Variants in FGD5 observed in about 807,000 individuals in gnomAD.
FGD5 encodes the protein FYVE, RhoGEF and PH domain-containing protein 5.
In FGD5, 28 loss-of-function variants were observed where a neutral mutation model predicts 133.4. The observed-to-expected ratio is 0.21, with a 90% CI of 0.16 to 0.29. The LOEUF is 0.29. Ranked by LOEUF, FGD5 falls within the 10% of genes least tolerant of loss-of-function variation. The pLI is 1.00. For synonymous variants in FGD5, 810 were observed against 776.5 expected (o/e 1.04, Z -0.72); for missense variants, 1,858 against 1,895.2 (o/e 0.98, Z 0.36).
At chr3:14,909,980 G>A (rs1047675104) in intron 10 of FGD5, among the ~76,000 whole-genome samples, 1 of 151,704 alleles carries the variant, frequency 6.6e-6, no homozygotes, top group Non-Finnish European at 1.5e-5. Flanking sequence ...TGGCCAGGCT[G>A]GTTTTGAACT....
chr3:14,859,998 C>G (rs1261451404), intron 1 of FGD5, among the ~76,000 whole-genome samples: 1 of 152,148 alleles, frequency 6.6e-6, no homozygotes, highest in Non-Finnish European at 1.5e-5. Flanking sequence ...GACACTGACC[C>G]AAACAATACA....
At chr3:14,827,286 T>C (rs7625742) in intron 1 of FGD5, among the ~76,000 whole-genome samples, 82,593 of 120,114 alleles carry the variant, frequency 0.69, 27,164 homozygotes, top group African/African-American at 0.74. Flanking sequence ...GTATTCTTTT[T>C]TTTTTTTTTT....
intron 1 of FGD5, among the ~76,000 whole-genome samples, chr3:14,851,968 A>G (rs192670939): frequency 1.3e-5 from 2 of 152,028 alleles, no homozygotes; most frequent in Admixed American, 1.3e-4. Flanking sequence ...ACAAGACTGT[A>G]GAGAAATTAG....
chr3:14,916,469 G>C (rs2038555480), intron 11 of FGD5, among the ~76,000 whole-genome samples: 1 of 152,172 alleles, frequency 6.6e-6, no homozygotes, highest in Non-Finnish European at 1.5e-5. Flanking sequence ...ACTCTGTGAA[G>C]GGACCTGGAA....
chr3:14,902,281 T>TAAA (rs34728691), intron 9 of FGD5, among the ~76,000 whole-genome samples: 6 of 124,472 alleles, frequency 4.8e-5, no homozygotes, highest in Non-Finnish European at 5.0e-5. Flanking sequence ...GATTCCATCT[T>TAAA]AAAAAAAAAA....
In FGD5 at chr3:14,872,637, C is replaced by G. The variant is rs186452977; in HGVS notation, c.2659-7935C>G. ...AAGCAAGCGTGCATGTTGCATGTGT[C>G]CCATGTTCACCTTGGGGTGGAGACT... On this transcript the variant is annotated intron_variant, in intron 2 of 19. Coordinates refer to ENST00000285046, the MANE Select transcript of FGD5 (RefSeq NM_152536.4). Among the ~76,000 whole-genome samples the G allele has an allele frequency of 4.5e-4, 69 of 152,304 alleles. No homozygotes were observed. The East Asian group carries it at 0.011, about 24-fold the overall frequency.
chr3:14,871,172 C>G (rs1040969233), intron 2 of FGD5, among the ~76,000 whole-genome samples: 2 of 152,206 alleles, frequency 1.3e-5, no homozygotes, highest in Admixed American at 6.5e-5. Context: ...TTTCCTTATG[C>G]TGTAGTCTTG....
intron 4 of FGD5, among the ~76,000 whole-genome samples, chr3:14,881,376 A>G (rs1042861833): frequency 2.0e-5 from 3 of 152,196 alleles, no homozygotes; most frequent in African/African-American, 7.2e-5. Flanking sequence ...TTCAGCAGAC[A>G]TTGTTTTGAG....
intron 18 of FGD5, among the ~76,000 whole-genome samples, chr3:14,929,217 T>C (rs1157511543): frequency 6.6e-6 from 1 of 152,258 alleles, no homozygotes; most frequent in African/African-American, 2.4e-5. Context: ...ATTTTGTGAA[T>C]ATACCAGTTT....
intron 1 of FGD5, among the ~76,000 whole-genome samples, chr3:14,833,950 G>C (rs115176012): frequency 0.015 from 2,309 of 152,216 alleles, 65 homozygotes; most frequent in African/African-American, 0.052. Context: ...GGTGGTTATG[G>C]GGTCCTCCTT....
At chr3:14,852,939 A>G (rs1209576272) in intron 1 of FGD5, among the ~76,000 whole-genome samples, 1 of 152,072 alleles carries the variant, frequency 6.6e-6, no homozygotes, top group Non-Finnish European at 1.5e-5. Context: ...ACAGTTTCAT[A>G]TGTCTGGGTG....
In FGD5 at chr3:14,922,344, C is replaced by G. The variant is rs1320351518; in HGVS notation, c.3670-67C>G. On this transcript the variant is annotated intron_variant, in intron 14 of 19. Coordinates refer to ENST00000285046, the MANE Select transcript of FGD5 (RefSeq NM_152536.4). The surrounding 1 kb of genome is among the most constrained non-coding windows in gnomAD (Gnocchi z 4.1). ...GCACAGAGACGCAGGGCAGGGCTCA[C>G]TGGGCTCTGCATCTGGCTGGTCTCC... 4 of 1,543,736 alleles carry G rather than the reference C, an allele frequency of 2.6e-6. No individual in the cohort carries two copies. In the African/African-American group the frequency reaches 5.5e-5, roughly 21 times the overall value.
chr3:14,832,718 G>C (rs945795034), intron 1 of FGD5, among the ~76,000 whole-genome samples: 1 of 152,164 alleles, frequency 6.6e-6, no homozygotes, highest in African/African-American at 2.4e-5. Context: ...ATCCCTTTGA[G>C]AGCTTCCTGA....
In FGD5 at chr3:14,876,075, G is replaced by A. The variant is rs376600480; in HGVS notation, c.2659-4497G>A. Among the ~76,000 whole-genome samples the A allele has an allele frequency of 1.0e-3, 157 of 152,264 alleles. 1 individual carries two copies. Among genetic ancestry groups the A allele is most frequent in the African/African-American group, 3.4e-3 (141 of 41,530 alleles). Reference sequence around the variant, plus strand: ...CCTGTACGCAGAGAGGGGAGGCGACGAGATAGGCATCTTGAGGTTGTTCCT... The same window carrying A: ...CCTGTACGCAGAGAGGGGAGGCGACAAGATAGGCATCTTGAGGTTGTTCCT... On this transcript the variant is annotated intron_variant, in intron 2 of 19. Coordinates refer to ENST00000285046, the MANE Select transcript of FGD5 (RefSeq NM_152536.4).
intron 12 of FGD5, among the ~76,000 whole-genome samples, chr3:14,918,536 GCT>G (rs2038607848): frequency 6.6e-6 from 1 of 152,220 alleles, no homozygotes; most frequent in Admixed American, 6.5e-5. Flanking sequence ...TGAGCATGAC[GCT>G]CTGCAGCCTT....
intron 10 of FGD5, among the ~76,000 whole-genome samples, chr3:14,908,536 T>C (rs1329824968): frequency 2.6e-5 from 4 of 152,016 alleles, no homozygotes; most frequent in South Asian, 4.2e-4. Context: ...CCCAAAAATA[T>C]AATTCTGGAA....
chr3:14,841,880 C>T (rs1011078854), intron 1 of FGD5, among the ~76,000 whole-genome samples: 67 of 152,316 alleles, frequency 4.4e-4, no homozygotes, highest in Middle Eastern at 3.4e-3. Context: ...GTGCAGGGTC[C>T]AGGCCCTGGC....
Position 14,893,752 on chromosome 3 carries a change from C to CTTTTTTTT in FGD5, c.2749-3744_2749-3737dup, listed in dbSNP as rs138741627. On this transcript the variant is annotated intron_variant, in intron 4 of 19. Transcript: ENST00000285046. ...TTTCTTTTTCTTTCTTTTCTTTTTT[C>CTTTTTTTT]TTTTTTTTTTTTTTTTTTTTGAGAC... Among the ~76,000 whole-genome samples, 625 of 95,014 alleles carry CTTTTTTTT rather than the reference C, an allele frequency of 6.6e-3. 2 individuals are homozygous for CTTTTTTTT. Among genetic ancestry groups the CTTTTTTTT allele is most frequent in the African/African-American group, 0.015 (340 of 22,818 alleles). The allele number at this position is 95,014 out of a possible 152,430, so 62.3% of individuals were successfully genotyped here.
At chr3:14,913,419 C>T (rs543264930) in intron 11 of FGD5, among the ~76,000 whole-genome samples, 1 of 152,142 alleles carries the variant, frequency 6.6e-6, no homozygotes, top group Non-Finnish European at 1.5e-5. Context: ...GTGAATTCCC[C>T]CTCTTCAGGA....
Sources: allele counts gnomAD v4.1 joint callset (sites outside exome capture counted in the v4.1 genomes callset), GRCh38; gene constraint gnomAD v4.1.1; non-coding constraint Gnocchi (gnomAD v3.1); transcripts MANE v1.5; gene names NCBI Gene and HGNC (gene_info 2026-07-23, HGNC 2026-07-21).